Variants in CRPPA observed in about 807,000 individuals in gnomAD.
CRPPA encodes D-ribitol-5-phosphate cytidylyltransferase.
A neutral mutation model predicts 52.0 loss-of-function variants in CRPPA; 43 were observed. The observed-to-expected ratio is 0.83, with a 90% confidence interval of 0.65 to 1.07. The LOEUF (loss-of-function observed/expected upper bound fraction) is 1.07, where lower values mean the gene tolerates loss of function less well. Among genes scored for constraint, CRPPA ranks in the 50% least tolerant of loss-of-function variants. The pLI is 0.00. For synonymous variants in CRPPA, 250 were observed against 203.5 expected, an observed-to-expected ratio of 1.23 and a Z score of -1.94; for missense variants, 629 against 551.7, an observed-to-expected ratio of 1.14 and a Z score of -1.40.
chr7:16,351,037 C>CA (rs1363203853), intron 3 of CRPPA, among the ~76,000 whole-genome samples: 1 of 151,946 alleles, frequency 6.6e-6, no homozygotes, highest in African/African-American at 2.4e-5. Flanking sequence ...GACAATTCAT[C>CA]AAAAAGGATA....
At chr7:16,401,301 C>CTTTA (rs1369525480) in intron 2 of CRPPA, among the ~76,000 whole-genome samples, 1 of 152,138 alleles carries the variant, frequency 6.6e-6, no homozygotes, top group East Asian at 1.9e-4. Flanking sequence ...AGAGCAAATT[C>CTTTA]TTTATTATTC....
At chr7:16,344,517 T>C (rs777804799) in intron 3 of CRPPA, among the ~76,000 whole-genome samples, 6 of 151,670 alleles carry the variant, frequency 4.0e-5, no homozygotes, top group Non-Finnish European at 8.8e-5. Context: ...ATTATGATCA[T>C]GCCAACCTGA....
In CRPPA at chr7:16,286,070, T is replaced by A. The variant is rs1328740032; in HGVS notation, c.836-7844A>T. Among the ~76,000 whole-genome samples the A allele has an allele frequency of 4.3e-3, 94 of 21,752 alleles. 11 individuals carry two copies. Among genetic ancestry groups the A allele is most frequent in the African/African-American group, 0.026 (84 of 3,180 alleles). 14.3% of individuals were successfully genotyped at this position (21,752 alleles called of 152,430 possible). A position where few individuals can be genotyped will look rare whatever the true frequency, so the allele number is the denominator to read the frequency against. The stretch of plus-strand genomic sequence containing the variant: ...ATATATATATATATATATATATATA[T>A]ATATATATATAATATTTAAAAAAAA... On this transcript the variant is annotated intron_variant, in intron 5 of 9. Transcript: ENST00000407010.
At chr7:16,239,407 T>A (rs1299074863) in intron 8 of CRPPA, among the ~76,000 whole-genome samples, 1 of 151,866 alleles carries the variant, frequency 6.6e-6, no homozygotes. Flanking sequence ...CATACTTAAA[T>A]TGCATTAAGT....
rs1374077614 is a variant in CRPPA, at chr7:16,239,158, G to A, written c.1119+19232C>T. Among the ~76,000 whole-genome samples, 372 of 68,568 alleles carry A rather than the reference G, an allele frequency of 5.4e-3. 3 individuals are homozygous for A. The highest frequency in any genetic ancestry group is 7.3e-3 in the Admixed American group (44 of 6,026). 45.0% of individuals were successfully genotyped at this position (68,568 alleles called of 152,430 possible). A position where few individuals can be genotyped will look rare whatever the true frequency, so the allele number is the denominator to read the frequency against. ...GTCTCAAAAAAAAAAAAAAAAAAAAGCCATTTAGATGCCATCAAAGGCATC... is the reference window on the plus strand; with the variant it reads ...GTCTCAAAAAAAAAAAAAAAAAAAAACCATTTAGATGCCATCAAAGGCATC... On this transcript the variant is annotated intron_variant, in intron 8 of 9. Coordinates refer to ENST00000407010, the MANE Select transcript of CRPPA (RefSeq NM_001101426.4).
intron 9 of CRPPA, among the ~76,000 whole-genome samples, chr7:16,104,062 C>T (rs1473640312): frequency 6.6e-6 from 1 of 152,082 alleles, no homozygotes; most frequent in African/African-American, 2.4e-5. Context: ...TGGTTAATGA[C>T]TATTAGGCTT....
intron 5 of CRPPA, among the ~76,000 whole-genome samples, chr7:16,278,982 T>A (rs1012967889): frequency 6.6e-6 from 1 of 152,202 alleles, no homozygotes; most frequent in African/African-American, 2.4e-5. Context: ...CTGAGTAGAA[T>A]TTTTCTTAAT....
intron 9 of CRPPA, among the ~76,000 whole-genome samples, chr7:16,102,382 AG>A (rs1209067055): frequency 6.6e-6 from 1 of 152,214 alleles, no homozygotes; most frequent in Non-Finnish European, 1.5e-5. Flanking sequence ...AATACCATTC[AG>A]GACACAGGCA....
chr7:16,221,955 C>A (rs1782522214), intron 8 of CRPPA, among the ~76,000 whole-genome samples: 1 of 151,926 alleles, frequency 6.6e-6, no homozygotes, highest in Non-Finnish European at 1.5e-5. Context: ...GGTACATACC[C>A]AAAGGACTAT....
chr7:16,384,334 G>A (rs1363189974), intron 2 of CRPPA, among the ~76,000 whole-genome samples: 1 of 152,186 alleles, frequency 6.6e-6, no homozygotes, highest in Non-Finnish European at 1.5e-5. Context: ...AAAGAATGCT[G>A]GAGATACATG....
At chr7:16,157,294 A>C (rs1783202696) in intron 9 of CRPPA, among the ~76,000 whole-genome samples, 1 of 152,100 alleles carries the variant, frequency 6.6e-6, no homozygotes, top group Non-Finnish European at 1.5e-5. Context: ...AGTTAAAGAA[A>C]GTACCTGGAA....
chr7:16,405,247 A>C (rs1787923241), intron 2 of CRPPA, among the ~76,000 whole-genome samples: 1 of 152,124 alleles, frequency 6.6e-6, no homozygotes, highest in African/African-American at 2.4e-5. Flanking sequence ...AATACCCTTT[A>C]AGCACTTAGT....
intron 3 of CRPPA, among the ~76,000 whole-genome samples, chr7:16,358,390 A>G (rs1264141402): frequency 6.6e-6 from 1 of 152,192 alleles, no homozygotes; most frequent in Admixed American, 6.5e-5. Flanking sequence ...ATTAAGTGGT[A>G]CAATATATAA....
intron 2 of CRPPA, among the ~76,000 whole-genome samples, chr7:16,402,715 A>C (rs1235951515): frequency 6.6e-6 from 1 of 151,640 alleles, no homozygotes; most frequent in Admixed American, 6.6e-5. Context: ...AAAAAAAATG[A>C]GAAATTGGAA....
intron 3 of CRPPA, among the ~76,000 whole-genome samples, chr7:16,314,588 C>T (rs1163304030): frequency 6.6e-6 from 1 of 152,044 alleles, no homozygotes; most frequent in African/African-American, 2.4e-5. Flanking sequence ...CATTTTTTTA[C>T]AAGGCAGGTC....
At chr7:16,256,783 G>A (rs1009608023) in intron 8 of CRPPA, among the ~76,000 whole-genome samples, 7 of 152,104 alleles carry the variant, frequency 4.6e-5, no homozygotes, top group Admixed American at 3.3e-4. Context: ...GGCTGGGAGA[G>A]GGATAGCATT....
At chr7:16,210,196 T>A (rs1782093304) in intron 9 of CRPPA, among the ~76,000 whole-genome samples, 1 of 152,236 alleles carries the variant, frequency 6.6e-6, no homozygotes, top group South Asian at 2.1e-4. Flanking sequence ...TATGCTTTTT[T>A]ATATTTAAAC....
At chr7:16,150,664 A>G (rs1490985223) in intron 9 of CRPPA, among the ~76,000 whole-genome samples, 1 of 152,240 alleles carries the variant, frequency 6.6e-6, no homozygotes, top group African/African-American at 2.4e-5. Context: ...ACCATCTGCT[A>G]TAAGAAAATA....
In CRPPA at chr7:16,089,208, G is replaced by A. The variant is rs759446464; in HGVS notation, c.*2487C>T. ...TACATATATGTGTGTATATACGTAC[G>A]TATATACATATATGTGTGTATGCGT... On this transcript the variant is annotated 3_prime_UTR_variant, in exon 10 of 10. Coordinates refer to ENST00000407010, the MANE Select transcript of CRPPA (RefSeq NM_001101426.4). The A allele has an allele frequency of 4.6e-5, 16 of 351,506 alleles. No homozygotes were observed. Among genetic ancestry groups the A allele is most frequent in the African/African-American group, 8.5e-5 (4 of 47,072 alleles). The allele number at this position is 351,506 out of a possible 1,614,324, so 21.8% of individuals were successfully genotyped here. A position where few individuals can be genotyped will look rare whatever the true frequency, so the allele number is the denominator to read the frequency against.
Sources: gnomAD v4.1 joint callset for allele counts (sites outside exome capture counted in the v4.1 genomes callset) on GRCh38, gnomAD v4.1.1 for gene constraint, MANE v1.5 for transcripts, NCBI Gene and HGNC (gene_info 2026-07-23, HGNC 2026-07-21) for gene names.